The following DNAH17 variants were observed in gnomAD, a reference collection of about 807,000 sequenced individuals.
DNAH17 encodes dynein axonemal heavy chain 17.
Under a neutral mutation model 485.6 loss-of-function variants are expected in DNAH17, and 376 were observed. The ratio of observed to expected loss-of-function variants is 0.77; its 90% CI spans 0.71 to 0.84. The LOEUF is 0.84. DNAH17 is among the 40% of genes least tolerant of loss of function. The pLI is 0.00. For missense variants in DNAH17, 6,370 were observed against 5,839.3 expected (o/e 1.09, Z -2.96); for synonymous variants, 3,031 against 2,405.9 (o/e 1.26, Z -7.60).
chr17:78,495,772 A>C, intron 38 of DNAH17, 103 bp downstream of exon 38: 2 of 1,388,342 alleles, frequency 1.4e-6, no homozygotes, highest in South Asian at 1.5e-5. Context: ...TTCCCTCCCC[A>C]GCTTGCCCTC....
intron 40 of DNAH17, among the ~76,000 whole-genome samples, chr17:78,494,380 G>GC (rs34910684): frequency 6.6e-6 from 1 of 151,526 alleles, no homozygotes; most frequent in Non-Finnish European, 1.5e-5. Context: ...TTTGCCTGAA[G>GC]CCCCCCCAGC....
chr17:78,469,799 G>A (rs371377834), intron 54 of DNAH17, among the ~76,000 whole-genome samples: 63 of 152,316 alleles, frequency 4.1e-4, no homozygotes, highest in South Asian at 6.2e-4. Context: ...AGGACATGAC[G>A]CTGAGTAAAA....
intron 54 of DNAH17, among the ~76,000 whole-genome samples, chr17:78,470,348 A>G (rs1284816235): frequency 6.7e-6 from 1 of 149,828 alleles, no homozygotes; most frequent in Admixed American, 6.6e-5. Context: ...GATAACAGGC[A>G]TGAGCCACCG....
intron 16 of DNAH17, 96 bp downstream of exon 16, chr17:78,551,439 C>T (rs1421457055): frequency 6.3e-6 from 7 of 1,114,448 alleles, no homozygotes; most frequent in South Asian, 1.4e-5. Context: ...CCCCACACAT[C>T]GCAGCACTTT....
In DNAH17 at chr17:78,498,849, G is replaced by A. The variant is rs77691068; in HGVS notation, c.5745+159C>T. On this transcript the variant is annotated intron_variant, in intron 37 of 80. Coordinates refer to ENST00000389840, the MANE Select transcript of DNAH17 (RefSeq NM_173628.4). The stretch of plus-strand genomic sequence containing the variant: ...CAATGTGTTTGCCTAACCAGGCTTT[G>A]GGACCCTGGAGGGCAAGAGCTCAAT... The A allele has an allele frequency of 4.5e-3, 2,276 of 507,768 alleles. 9 individuals carry two copies. The highest frequency in any genetic ancestry group is 0.011 in the Middle Eastern group (29 of 2,726). 31.5% of individuals were successfully genotyped at this position (507,768 alleles called of 1,614,324 possible).
chr17:78,438,102 T>C (rs763874285), intron 73 of DNAH17, among the ~76,000 whole-genome samples: 36 of 152,124 alleles, frequency 2.4e-4, no homozygotes, highest in South Asian at 1.0e-3. Context: ...TTGTGTTCAA[T>C]GAATTGCAAA....
rs780030724 is a variant in DNAH17, at chr17:78,475,373, C to T, written c.8416G>A (p.Gly2806Ser). The part of the protein sequence containing the change: ...NALLVGVGGS[G>S]KQSLSRLAAY... ...GCCAGGCGGGAGAGGCTCTGTTTGCCACTGCCGCCCACCCCCACCAGCAGG... is the reference window on the plus strand; with the variant it reads ...GCCAGGCGGGAGAGGCTCTGTTTGCTACTGCCGCCCACCCCCACCAGCAGG... The change falls in exon 54 of 81, where the codon GGC becomes AGC. Residue 2806 changes from glycine to serine, a missense_variant. By Grantham distance (56) the Gly-to-Ser change is moderately conservative. Transcript: ENST00000389840. The T allele has an allele frequency of 2.5e-6, 4 of 1,613,960 alleles. No individual in the cohort carries two copies. The South Asian group carries it at 3.3e-5, about 13-fold the overall frequency.
In DNAH17 at chr17:78,445,802, C is replaced by T. The variant is rs376752342; in HGVS notation, c.11212-122G>A. The T allele has an allele frequency of 5.4e-6, 6 of 1,113,650 alleles. No homozygotes were observed. In the African/African-American group the frequency reaches 7.9e-5, roughly 15 times the overall value. The allele number at this position is 1,113,650 out of a possible 1,614,324, so 69.0% of individuals were successfully genotyped here. ...GGCCTGCAGGGGGCGCCCTGTCCTGCCCCTTTGGTTTGGGGTAAAGTTTTG... is the reference window on the plus strand; with the variant it reads ...GGCCTGCAGGGGGCGCCCTGTCCTGTCCCTTTGGTTTGGGGTAAAGTTTTG... On this transcript the variant is annotated intron_variant, in intron 69 of 80. Transcript: ENST00000389840.
intron 25 of DNAH17, among the ~76,000 whole-genome samples, chr17:78,519,765 A>G (rs986405199): frequency 6.6e-6 from 1 of 152,206 alleles, no homozygotes; most frequent in Non-Finnish European, 1.5e-5. Context: ...AAACAGACCA[A>G]CGTGAACAAG....
rs7220871 is a variant in DNAH17 at position 78,539,677 on chromosome 17, T to C, written c.2676+60A>G. 892,144 of 1,362,488 alleles carry C rather than the reference T, an allele frequency of 0.65. 293,963 individuals carry two copies. Among genetic ancestry groups the C allele is most frequent in the African/African-American group, 0.74 (49,611 of 66,794 alleles). 84.4% of individuals were successfully genotyped at this position (1,362,488 alleles called of 1,614,324 possible). A position where few individuals can be genotyped will look rare whatever the true frequency, so the allele number is the denominator to read the frequency against. ...CTGTTCATCAAGAAACTAGAAACTATAGATTCTAACAGATAAGAATACATA... is the reference window on the plus strand; with the variant it reads ...CTGTTCATCAAGAAACTAGAAACTACAGATTCTAACAGATAAGAATACATA... On this transcript the variant is annotated intron_variant, in intron 18 of 80. Coordinates refer to ENST00000389840, the MANE Select transcript of DNAH17 (RefSeq NM_173628.4).
intron 55 of DNAH17, among the ~76,000 whole-genome samples, chr17:78,467,525 T>G (rs1237152929): frequency 1.3e-5 from 2 of 152,082 alleles, no homozygotes; most frequent in Non-Finnish European, 2.9e-5. Context: ...ACAGATAACA[T>G]TCACTAATTG....
At chr17:78,573,862 G>A (rs531703893) in intron 2 of DNAH17, among the ~76,000 whole-genome samples, 1 of 152,250 alleles carries the variant, frequency 6.6e-6, no homozygotes, top group African/African-American at 2.4e-5. Context: ...CCCCTGTACT[G>A]CAGATGAGAA....
chr17:78,451,497 T>C lies in DNAH17; in HGVS notation c.10706A>G (p.Lys3569Arg). 1 of 1,613,120 alleles carries C rather than the reference T, an allele frequency of 6.2e-7. No homozygotes were observed. The highest frequency in any genetic ancestry group is 1.1e-5 in the South Asian group (1 of 91,030). ...EDQLLAAVVA[K>R]ERPDLEQLKA... ...CAGCTGTTCCAGATCTGGGCGCTCT[T>C]TGGCCACCACAGCGGCCAAGAGTTG... is the stretch of plus-strand genomic sequence containing the variant. The change falls in exon 66 of 81, where the codon AAA becomes AGA. Residue 3569 changes from lysine to arginine, a missense_variant. Transcript: ENST00000389840.
At position 78,567,254 on chromosome 17, in the gene DNAH17, G is replaced by A. The variant is rs115458967; in HGVS notation, c.1285-88C>T. On this transcript the variant is annotated intron_variant, in intron 9 of 80. Coordinates refer to ENST00000389840, the MANE Select transcript of DNAH17 (RefSeq NM_173628.4). ...AAACTAGCTCTGACCCCAGGCAGGAGGAGCTGGGGAGCAAAATGTCCCCAG... is the reference window on the plus strand; with the variant it reads ...AAACTAGCTCTGACCCCAGGCAGGAAGAGCTGGGGAGCAAAATGTCCCCAG... The A allele has an allele frequency of 3.1e-4, 440 of 1,416,596 alleles. No homozygotes were observed. The African/African-American group carries it at 5.3e-3, about 17-fold the overall frequency. The allele number at this position is 1,416,596 out of a possible 1,614,324, so 87.8% of individuals were successfully genotyped here.
chr17:78,523,992 T>C (rs1280754202), intron 25 of DNAH17, among the ~76,000 whole-genome samples: 1 of 152,224 alleles, frequency 6.6e-6, no homozygotes, highest in Non-Finnish European at 1.5e-5. Context: ...CCACAAAATC[T>C]TTCTCATAGA....
chr17:78,547,160 T>C (rs4969201), intron 16 of DNAH17, among the ~76,000 whole-genome samples: 119,298 of 152,124 alleles, frequency 0.78, 46,911 homozygotes, highest in African/African-American at 0.81. Flanking sequence ...CCAAGCTCAT[T>C]GCTAGTCTTT....
At chr17:78,576,674 C>T (rs2092437170) in intron 1 of DNAH17, among the ~76,000 whole-genome samples, 1 of 152,146 alleles carries the variant, frequency 6.6e-6, no homozygotes, top group Non-Finnish European at 1.5e-5. Flanking sequence ...GGAAGTCTCG[C>T]CAAGCTGGTC....
chr17:78,477,859 A>G (rs1193798912), intron 51 of DNAH17, among the ~76,000 whole-genome samples: 1 of 151,972 alleles, frequency 6.6e-6, no homozygotes, highest in Non-Finnish European at 1.5e-5. Flanking sequence ...ATGAGAGGAA[A>G]TATTATTACC....
intron 22 of DNAH17, among the ~76,000 whole-genome samples, 182 bp downstream of exon 22, chr17:78,529,290 C>T (rs889023612): frequency 3.9e-5 from 6 of 152,188 alleles, no homozygotes; most frequent in African/African-American, 1.4e-4. Context: ...AGGCAGTCCC[C>T]AGGGTCTCCT....
Sources: gnomAD v4.1 joint callset for allele counts (sites outside exome capture counted in the v4.1 genomes callset) on GRCh38, gnomAD v4.1.1 for gene constraint, MANE v1.5 for transcripts, NCBI Gene and HGNC (gene_info 2026-07-23, HGNC 2026-07-21) for gene names.